The following LPP variants were observed in gnomAD, a reference collection of about 807,000 sequenced individuals.
The protein encoded by LPP is lipoma-preferred partner.
Under a neutral mutation model 60.4 loss-of-function variants are expected in LPP, and 38 were observed. The observed-to-expected ratio is 0.63, with a 90% CI of 0.49 to 0.83. The LOEUF is 0.83. Among genes scored for constraint, LPP ranks in the 40% least tolerant of loss-of-function variants. LPP has a pLI of 0.00. For missense variants in LPP, 902 were observed against 783.6 expected, an observed-to-expected ratio of 1.15 and a Z score of -1.80; for synonymous variants, 328 against 290.8, an observed-to-expected ratio of 1.13 and a Z score of -1.30.
intron 8 of LPP, among the ~76,000 whole-genome samples, chr3:188,740,968 C>T (rs1724196846): frequency 6.6e-6 from 1 of 151,780 alleles, no homozygotes; most frequent in Non-Finnish European, 1.5e-5. Context: ...GAGGCAAAAA[C>T]ATTAATTTGA....
chr3:188,447,439 G>A (rs562568254), intron 4 of LPP, among the ~76,000 whole-genome samples: 20 of 151,928 alleles, frequency 1.3e-4, no homozygotes, highest in Non-Finnish European at 2.8e-4. Context: ...GTGAAACCCC[G>A]TCTCTACTAA....
intron 6 of LPP, among the ~76,000 whole-genome samples, chr3:188,563,460 A>ATATGTGTGTGTGTGTGTGTGTGTG (rs373067080): frequency 1.5e-3 from 220 of 142,024 alleles, no homozygotes; most frequent in East Asian, 9.2e-3. Flanking sequence ...TTACATATAT[A>ATATGTGTGTGTGTGTGTGTGTGTG]TGTGTGTGTG....
intron 7 of LPP, among the ~76,000 whole-genome samples, chr3:188,654,985 A>G (rs1434567590): frequency 6.6e-6 from 1 of 152,236 alleles, no homozygotes; most frequent in Non-Finnish European, 1.5e-5. Context: ...CATAAATTAA[A>G]TAATTTATAT....
At chr3:188,632,870 T>G (rs1245309909) in intron 7 of LPP, among the ~76,000 whole-genome samples, 1 of 152,206 alleles carries the variant, frequency 6.6e-6, no homozygotes, top group African/African-American at 2.4e-5. Flanking sequence ...ATTATCTTTT[T>G]TCTCATCCCC....
intron 5 of LPP, among the ~76,000 whole-genome samples, chr3:188,493,576 G>A (rs972347466): frequency 2.0e-5 from 3 of 151,800 alleles, no homozygotes; most frequent in African/African-American, 7.3e-5. Context: ...CTAAAGGTGT[G>A]TACCACCATG....
intron 1 of LPP, among the ~76,000 whole-genome samples, chr3:188,221,985 C>T (rs1275791850): frequency 6.6e-6 from 1 of 152,122 alleles, no homozygotes; most frequent in Non-Finnish European, 1.5e-5. Context: ...CACTTACTAG[C>T]CTAGAGATAT....
At chr3:188,374,469 A>C (rs951259369) in intron 3 of LPP, among the ~76,000 whole-genome samples, 6 of 152,248 alleles carry the variant, frequency 3.9e-5, no homozygotes, top group Admixed American at 6.5e-5. Context: ...TCTTTGAAGC[A>C]ATTGTGAACG....
intron 2 of LPP, among the ~76,000 whole-genome samples, chr3:188,295,385 A>G (rs186021706): frequency 1.9e-4 from 29 of 152,290 alleles, no homozygotes; most frequent in African/African-American, 6.7e-4. Context: ...AGGGCTCGCT[A>G]TTCATCTAGT....
intron 7 of LPP, among the ~76,000 whole-genome samples, chr3:188,680,139 T>G (rs1423848148): frequency 6.6e-6 from 1 of 152,210 alleles, no homozygotes. Flanking sequence ...CTACTCCCCC[T>G]TCTTTTCTTC....
intron 4 of LPP, among the ~76,000 whole-genome samples, chr3:188,422,735 T>G (rs1486971306): frequency 6.6e-6 from 1 of 152,200 alleles, no homozygotes; most frequent in Non-Finnish European, 1.5e-5. Flanking sequence ...CTCCCTTTTC[T>G]CTGTCTTCAT....
chr3:188,380,879 T>C (rs1019068323), intron 3 of LPP, among the ~76,000 whole-genome samples: 1 of 152,260 alleles, frequency 6.6e-6, no homozygotes, highest in Non-Finnish European at 1.5e-5. Context: ...ATTCAGTCTT[T>C]ACAGCCCATT....
chr3:188,366,140 T>G (rs1771094035), intron 3 of LPP, among the ~76,000 whole-genome samples: 1 of 152,222 alleles, frequency 6.6e-6, no homozygotes, highest in African/African-American at 2.4e-5. Context: ...GCAGTGTTTG[T>G]TTTTCTGTGC....
At chr3:188,289,286 A>G (rs1745150474) in intron 2 of LPP, among the ~76,000 whole-genome samples, 2 of 152,162 alleles carry the variant, frequency 1.3e-5, no homozygotes, top group Non-Finnish European at 1.5e-5. Context: ...GCCCCAAGAC[A>G]TGTTTAAACT....
intron 6 of LPP, among the ~76,000 whole-genome samples, chr3:188,543,968 G>A (rs1825879000): frequency 1.3e-5 from 2 of 152,146 alleles, no homozygotes; most frequent in African/African-American, 4.8e-5. Flanking sequence ...AGAAAGCAGA[G>A]GAGGCATGTG....
intron 2 of LPP, among the ~76,000 whole-genome samples, chr3:188,270,269 C>G (rs370994558): frequency 6.6e-6 from 1 of 151,824 alleles, no homozygotes; most frequent in Admixed American, 6.6e-5. Context: ...TAAGAACAAC[C>G]TTCGTTCCCA....
At chr3:188,241,449 T>A (rs56755082) in intron 2 of LPP, among the ~76,000 whole-genome samples, 2,586 of 152,338 alleles carry the variant, frequency 0.017, 70 homozygotes, top group African/African-American at 0.056. Flanking sequence ...TCTAATCTCC[T>A]TTCATCTTTC....
In LPP at chr3:188,368,667, A is replaced by C. The variant is rs867393605; in HGVS notation, c.-10+26948A>C. ...TTTTGGTTATAACTGTTATACTACA[A>C]ACACACACACACTCTCACACACACA... On this transcript the variant is annotated intron_variant, in intron 3 of 11. Coordinates refer to ENST00000617246, the MANE Select transcript of LPP (RefSeq NM_001375462.1). 4.5e-3 allele frequency among the ~76,000 whole-genome samples: 509 copies of C among 113,948 alleles called. 5 individuals carry two copies. Among genetic ancestry groups the C allele is most frequent in the African/African-American group, 0.015 (464 of 31,654 alleles). 74.8% of individuals were successfully genotyped at this position (113,948 alleles called of 152,430 possible). A position where few individuals can be genotyped will look rare whatever the true frequency, so the allele number is the denominator to read the frequency against.
At chr3:188,312,167 A>G (rs1019810481) in intron 2 of LPP, among the ~76,000 whole-genome samples, 15 of 152,220 alleles carry the variant, frequency 9.9e-5, no homozygotes, top group Admixed American at 8.5e-4. Flanking sequence ...ACACACACAC[A>G]AACACACACA....
intron 6 of LPP, among the ~76,000 whole-genome samples, chr3:188,577,538 GTAAT>G (rs1281536365): frequency 6.6e-6 from 1 of 150,904 alleles, no homozygotes; most frequent in East Asian, 1.9e-4. Flanking sequence ...TTTACATACA[GTAAT>G]TAATATATTT....
Sources: gnomAD v4.1 joint callset for allele counts (sites outside exome capture counted in the v4.1 genomes callset) on GRCh38, gnomAD v4.1.1 for gene constraint, MANE v1.5 for transcripts, NCBI Gene and HGNC (gene_info 2026-07-23, HGNC 2026-07-21) for gene names.